Variants in RPRD2 observed in about 807,000 individuals in gnomAD.
RPRD2 encodes the protein regulation of nuclear pre-mRNA domain containing 2.
In RPRD2, 12 loss-of-function variants were observed where a neutral mutation model predicts 104.4. The observed-to-expected ratio is 0.11, with a 90% CI of 0.07 to 0.19. RPRD2 has a LOEUF of 0.19. Among genes scored for constraint, RPRD2 ranks in the 10% least tolerant of loss-of-function variants. The pLI is 1.00. For missense variants in RPRD2, 1,543 were observed against 1,790.1 expected (o/e 0.86, Z 2.49); for synonymous variants, 714 against 684.9 (o/e 1.04, Z -0.66).
intron 1 of RPRD2, among the ~76,000 whole-genome samples, chr1:150,414,936 A>AT (rs1219416475): frequency 1.1e-4 from 16 of 152,180 alleles, no homozygotes; most frequent in Non-Finnish European, 1.9e-4. Flanking sequence ...GGCTAGGGGT[A>AT]ACCTAAGGTG....
chr1:150,461,833 A>G (rs1667952860), intron 9 of RPRD2, among the ~76,000 whole-genome samples: 2 of 151,970 alleles, frequency 1.3e-5, no homozygotes, highest in Admixed American at 1.3e-4. Flanking sequence ...ACAAAAAAAT[A>G]GCCAGGCATG....
intron 1 of RPRD2, among the ~76,000 whole-genome samples, chr1:150,384,014 A>G (rs1157194995): frequency 6.6e-6 from 1 of 152,204 alleles, no homozygotes; most frequent in Non-Finnish European, 1.5e-5. Flanking sequence ...AAGTTTAGGA[A>G]CTACCAAATT....
intron 1 of RPRD2, among the ~76,000 whole-genome samples, chr1:150,367,536 G>A (rs1036005889): frequency 1.3e-5 from 2 of 151,568 alleles, no homozygotes; most frequent in African/African-American, 4.9e-5. Context: ...TCTGACATCC[G>A]TTATTTAGTA....
intron 1 of RPRD2, among the ~76,000 whole-genome samples, chr1:150,407,814 G>C (rs1553886868): frequency 6.6e-6 from 1 of 152,138 alleles, no homozygotes; most frequent in Non-Finnish European, 1.5e-5. Flanking sequence ...TATTTGTACT[G>C]AGTGTCCTTA....
chr1:150,472,091 G>C lies in RPRD2; in HGVS notation c.3143G>C (p.Ser1048Thr), dbSNP rs757825594. 1 of 1,613,770 alleles carries C rather than the reference G, an allele frequency of 6.2e-7. No homozygotes were observed. The highest frequency in any genetic ancestry group is 8.5e-7 in the Non-Finnish European group (1 of 1,179,878). ...AGTCTCTCAAACCTCACCCAACCCA[G>C]CTTGACCGCCACTGATCAGCAGCAA... ...GVSLSNLTQP[S>T]LTATDQQQQE... Residue 1048 changes from serine to threonine, a missense_variant, in exon 11 of 11, where the codon AGC becomes ACC. Ser to Thr is a moderately conservative substitution (Grantham distance 58, BLOSUM62 1). Around this residue, in one of 4 missense-constraint regions of RPRD2, gnomAD observed 880 missense variants for 885.6 expected, o/e 0.99. Coordinates refer to ENST00000369068, the MANE Select transcript of RPRD2 (RefSeq NM_015203.5).
At chr1:150,437,664 C>G (rs934396347) in intron 2 of RPRD2, among the ~76,000 whole-genome samples, 1 of 152,012 alleles carries the variant, frequency 6.6e-6, no homozygotes, top group African/African-American at 2.4e-5. Context: ...ACTGCAGACT[C>G]GAACCCCTGG....
chr1:150,437,267 G>A (rs1666069663), intron 2 of RPRD2, among the ~76,000 whole-genome samples: 3 of 152,192 alleles, frequency 2.0e-5, no homozygotes, highest in Non-Finnish European at 2.9e-5. Flanking sequence ...GGAGGCCAAG[G>A]CAGGCAGATC....
At chr1:150,464,834 C>T in intron 10 of RPRD2, 107 bp downstream of exon 10, 3 of 558,386 alleles carry the variant, frequency 5.4e-6, no homozygotes, top group East Asian at 3.4e-5. Flanking sequence ...ATGTATAACA[C>T]AGTTAATTCA....
chr1:150,404,779 AT>A (rs1306467851), intron 1 of RPRD2, among the ~76,000 whole-genome samples: 2 of 152,018 alleles, frequency 1.3e-5, no homozygotes, highest in Non-Finnish European at 2.9e-5. Context: ...CTCGTCACAT[AT>A]TTTTTAAAAA....
At position 150,460,398 on chromosome 1, in the gene RPRD2, GTT is replaced by G; in HGVS notation, c.1411+82_1411+83del. ...TCATTAATCTGTTTTTGGGGGGGTT[GTT>G]GTTGTTGTTGTTGTTGTTGTTTAGA... On this transcript the variant is annotated intron_variant, in intron 9 of 10. Coordinates refer to ENST00000369068, the MANE Select transcript of RPRD2 (RefSeq NM_015203.5). The G allele has an allele frequency of 2.5e-5, 24 of 972,310 alleles. 1 individual carries two copies. In the Admixed American group the frequency reaches 6.0e-4, roughly 24 times the overall value. 60.2% of individuals were successfully genotyped at this position (972,310 alleles called of 1,614,324 possible).
chr1:150,380,749 G>GGTTCAAGCGATTCTCCTGC (rs1205338739), intron 1 of RPRD2, among the ~76,000 whole-genome samples: 3 of 151,898 alleles, frequency 2.0e-5, no homozygotes, highest in African/African-American at 4.8e-5. Context: ...CTGCCTCCTG[G>GGTTCAAGCGATTCTCCTGC]GTTCAAGCGA....
chr1:150,383,181 G>A (rs1661269842), intron 1 of RPRD2, among the ~76,000 whole-genome samples: 1 of 151,690 alleles, frequency 6.6e-6, no homozygotes, highest in African/African-American at 2.4e-5. Context: ...TTTTTGTAGA[G>A]ATGATGTCTT....
chr1:150,388,321 TATGTGTATATAC>T (rs1553882354), intron 1 of RPRD2, among the ~76,000 whole-genome samples: 3 of 146,142 alleles, frequency 2.1e-5, no homozygotes, highest in East Asian at 2.0e-4. Flanking sequence ...TGTATATATG[TATGTGTATATAC>T]ATGTGTATAT....
chr1:150,372,994 G>A (rs1660429391), intron 1 of RPRD2, among the ~76,000 whole-genome samples: 1 of 151,868 alleles, frequency 6.6e-6, no homozygotes, highest in Non-Finnish European at 1.5e-5. Flanking sequence ...AGCCATTTAA[G>A]CAAAAGGAGA....
intron 2 of RPRD2, among the ~76,000 whole-genome samples, chr1:150,432,211 A>C (rs1345090990): frequency 6.6e-6 from 1 of 151,944 alleles, no homozygotes; most frequent in Non-Finnish European, 1.5e-5. Flanking sequence ...AGTCTGATAA[A>C]TGCTACAAAA....
Position 150,476,392 on chromosome 1 carries a change from A to G in RPRD2, c.*3058A>G, listed in dbSNP as rs1668893759. On this transcript the variant is annotated 3_prime_UTR_variant, in exon 11 of 11. Transcript: ENST00000369068. ...AATTACTGCTTTCCCCAGTTCCCCC[A>G]CTATTTTTTTTAAGTGGGCGGGGGC... is the stretch of plus-strand genomic sequence containing the variant. 2.0e-5 allele frequency: 3 copies of G among 151,984 alleles called. No homozygotes were observed. Among genetic ancestry groups the G allele is most frequent in the Admixed American group, 2.0e-4 (3 of 15,250 alleles). 9.4% of individuals were successfully genotyped at this position (151,984 alleles called of 1,614,324 possible).
Position 150,458,497 on chromosome 1 carries a change from G to A in RPRD2, c.1153+927G>A, listed in dbSNP as rs587627115. On this transcript the variant is annotated intron_variant, in intron 8 of 10. Coordinates refer to ENST00000369068, the MANE Select transcript of RPRD2 (RefSeq NM_015203.5). ...CACATTGGAGTCCAGAAACTAGGCCGAGCATGGTGGCAGAAACTCTCCCAA... is the reference window on the plus strand; with the variant it reads ...CACATTGGAGTCCAGAAACTAGGCCAAGCATGGTGGCAGAAACTCTCCCAA... Among the ~76,000 whole-genome samples the A allele has an allele frequency of 4.0e-5, 6 of 151,404 alleles. No individual in the cohort carries two copies. In the South Asian group the frequency reaches 8.4e-4, roughly 21 times the overall value.
intron 1 of RPRD2, among the ~76,000 whole-genome samples, chr1:150,405,976 A>C (rs1663441751): frequency 6.6e-6 from 1 of 152,248 alleles, no homozygotes; most frequent in African/African-American, 2.4e-5. Flanking sequence ...TATGCCAAAG[A>C]AAAGCCGTTA....
At chr1:150,428,279 C>G (rs1160993358) in intron 2 of RPRD2, among the ~76,000 whole-genome samples, 2 of 151,836 alleles carry the variant, frequency 1.3e-5, no homozygotes, top group African/African-American at 4.8e-5. Flanking sequence ...TGGTGAAACC[C>G]TGTCTCTACT....
Sources: allele counts gnomAD v4.1 joint callset (sites outside exome capture counted in the v4.1 genomes callset), GRCh38; gene constraint gnomAD v4.1.1; regional missense constraint gnomAD v4.1.1; transcripts MANE v1.5; gene names NCBI Gene and HGNC (gene_info 2026-07-23, HGNC 2026-07-21).